The following CAPN13 variants were observed in gnomAD, a reference collection of about 807,000 sequenced individuals.
CAPN13 encodes calpain-13.
Under a neutral mutation model 98.4 loss-of-function variants are expected in CAPN13, and 90 were observed. The observed-to-expected ratio is 0.92, with a 90% CI of 0.77 to 1.09. The LOEUF (loss-of-function observed/expected upper bound fraction) is 1.09, where lower values mean the gene tolerates loss of function less well. CAPN13 is among the 50% of genes least tolerant of loss of function. The pLI is 0.00. For missense variants in CAPN13, 887 were observed against 841.3 expected (o/e 1.05, Z -0.67); for synonymous variants, 330 against 305.5 (o/e 1.08, Z -0.84).
intron 1 of CAPN13, among the ~76,000 whole-genome samples, chr2:30,789,777 T>A (rs1010316111): frequency 2.6e-5 from 4 of 152,250 alleles, no homozygotes; most frequent in African/African-American, 7.2e-5. Flanking sequence ...TGATGATCAT[T>A]GTTATTTTGA....
chr2:30,773,939 T>C (rs1413961802), intron 4 of CAPN13, among the ~76,000 whole-genome samples: 12 of 152,186 alleles, frequency 7.9e-5, no homozygotes, highest in Admixed American at 2.6e-4. Flanking sequence ...TGCTGTGGGC[T>C]TGGCTAGAAA....
At chr2:30,751,394 TTACTACTTGA>T in intron 10 of CAPN13, 143 bp from the exon 11 acceptor site, 1 of 824,918 alleles carries the variant, frequency 1.2e-6, no homozygotes, top group East Asian at 2.7e-5. Context: ...ATCCCCACAG[TTACTACTTGA>T]GAAACAAGTT....
chr2:30,746,098 C>T (rs900910006), intron 11 of CAPN13, among the ~76,000 whole-genome samples: 2 of 151,890 alleles, frequency 1.3e-5, no homozygotes, highest in African/African-American at 4.8e-5. Context: ...GGGGTTTCAC[C>T]GTGTTGGTCA....
At chr2:30,797,364 G>A (rs1183487641) in intron 1 of CAPN13, among the ~76,000 whole-genome samples, 1 of 152,136 alleles carries the variant, frequency 6.6e-6, no homozygotes, top group Non-Finnish European at 1.5e-5. Context: ...AGGCAGCATG[G>A]AACAGTGCTC....
chr2:30,770,180 A>G, intron 5 of CAPN13, 133 bp downstream of exon 5: 2 of 1,213,042 alleles, frequency 1.6e-6, no homozygotes, highest in Non-Finnish European at 2.3e-6. Flanking sequence ...GGACCTTTGC[A>G]CGTGGTGATT....
chr2:30,745,692 G>A, intron 12 of CAPN13, 31 bp downstream of exon 12: 1 of 1,596,008 alleles, frequency 6.3e-7, no homozygotes, highest in Non-Finnish European at 8.5e-7. Context: ...CAGCAGCAGA[G>A]GCGCAGGGCA....
chr2:30,772,011 G>A (rs1231990797), intron 4 of CAPN13, among the ~76,000 whole-genome samples: 2 of 152,176 alleles, frequency 1.3e-5, no homozygotes, highest in South Asian at 2.1e-4. Flanking sequence ...AGTAAGTCCC[G>A]GCTCGAATGA....
At position 30,758,075 on chromosome 2, in the gene CAPN13, C is replaced by T. The variant is rs1305470695; in HGVS notation, c.837G>A (p.Glu279=). The T allele has an allele frequency of 6.2e-7, 1 of 1,611,386 alleles. No homozygotes were observed. The highest frequency in any genetic ancestry group is 8.5e-7 in the Non-Finnish European group (1 of 1,178,902). ...CACTCCAGCGCCCTCTCCATTCGGC[C>T]TCGCCCCAGCCCCAGGGGTTCCACA... ...ISLWNPWGWG[E]AEWRGRWSDG... is the part of the protein sequence containing the mutation. The change falls in exon 8 of 23, where the codon GAG becomes GAA. Residue 279 remains glutamate, a synonymous_variant. Transcript: ENST00000295055.
At chr2:30,788,819 C>G (rs1053294602) in intron 1 of CAPN13, among the ~76,000 whole-genome samples, 1 of 152,146 alleles carries the variant, frequency 6.6e-6, no homozygotes, top group Admixed American at 6.5e-5. Flanking sequence ...CAGAATATCA[C>G]CAGTCATTGT....
intron 18 of CAPN13, among the ~76,000 whole-genome samples, chr2:30,735,679 G>A (rs910068830): frequency 2.6e-5 from 4 of 152,160 alleles, no homozygotes; most frequent in East Asian, 3.9e-4. Context: ...ACCCCTAGTC[G>A]GGGATCCGGG....
chr2:30,794,680 C>A (rs1178605231), intron 1 of CAPN13, among the ~76,000 whole-genome samples: 1 of 151,640 alleles, frequency 6.6e-6, no homozygotes, highest in African/African-American at 2.4e-5. Flanking sequence ...TGTGATGTAC[C>A]CATAAAGTAC....
At chr2:30,772,818 A>C (rs1417470800) in intron 4 of CAPN13, among the ~76,000 whole-genome samples, 1 of 110,162 alleles carries the variant, frequency 9.1e-6, no homozygotes, top group African/African-American at 3.9e-5. Flanking sequence ...GAGAGAGAGC[A>C]TTTCTTTTTT....
rs763717869 is a variant in CAPN13 at position 30,734,565 on chromosome 2, G to A, written c.1723-41C>T. The stretch of plus-strand genomic sequence containing the variant: ...AAGCAAGAAGTCTGTGTGAAGACTG[G>A]GAAGGTCTGGATACTCCTTTTCCAT... On this transcript the variant is annotated intron_variant, in intron 18 of 22. Coordinates refer to ENST00000295055, the MANE Select transcript of CAPN13 (RefSeq NM_144575.3). 5.3e-6 allele frequency: 8 copies of A among 1,501,522 alleles called. No homozygotes were observed. The African/African-American group carries it at 5.5e-5, about 10-fold the overall frequency. 93.0% of individuals were successfully genotyped at this position (1,501,522 alleles called of 1,614,324 possible). A position where few individuals can be genotyped will look rare whatever the true frequency, so the allele number is the denominator to read the frequency against.
chr2:30,744,621 C>T (rs879465070), intron 12 of CAPN13, among the ~76,000 whole-genome samples: 4 of 152,118 alleles, frequency 2.6e-5, no homozygotes, highest in African/African-American at 4.8e-5. Flanking sequence ...CCTGCTCACC[C>T]GTTATCTTGT....
intron 17 of CAPN13, 59 bp from the exon 18 acceptor site, chr2:30,736,630 CT>C: frequency 6.6e-7 from 1 of 1,522,268 alleles, no homozygotes; most frequent in African/African-American, 1.4e-5. Flanking sequence ...GGCTGCCATC[CT>C]GCCAACAAAG....
intron 2 of CAPN13, among the ~76,000 whole-genome samples, chr2:30,782,769 A>C (rs1406811270): frequency 2.0e-5 from 3 of 152,234 alleles, no homozygotes; most frequent in African/African-American, 7.2e-5. Context: ...TTTACTATAA[A>C]ATGGGTACAA....
At position 30,743,439 on chromosome 2, in the gene CAPN13, C is replaced by T; in HGVS notation, c.1389G>A (p.Arg463=). 6.2e-7 allele frequency: 1 copy of T among 1,614,006 alleles called. No homozygotes were observed. ...PGNYVVVAQT[R]RKSAEFLLRI... ...GGAGCAAGAACTCCGCTGATTTTCT[C>T]CGTGTCTGTGCAACCACAACATAGT... Residue 463 remains arginine, a synonymous_variant, in exon 13 of 23, where the codon CGG becomes CGA. Transcript: ENST00000295055.
chr2:30,798,526 G>A lies in CAPN13; in HGVS notation c.-33+8776C>T, dbSNP rs114608654. Among the ~76,000 whole-genome samples the A allele has an allele frequency of 5.5e-3, 842 of 152,334 alleles. 9 individuals carry two copies. The highest frequency in any genetic ancestry group is 0.019 in the African/African-American group (800 of 41,556). On this transcript the variant is annotated intron_variant, in intron 1 of 22. Coordinates refer to ENST00000295055, the MANE Select transcript of CAPN13 (RefSeq NM_144575.3). ...ACAGGTTGCTCTGGTGTCCCTGTCC[G>A]CAGGATGCTCCTAGCATATCCCAGC...
At chr2:30,747,875 A>G (rs920120962) in intron 11 of CAPN13, among the ~76,000 whole-genome samples, 2 of 152,254 alleles carry the variant, frequency 1.3e-5, no homozygotes, top group Admixed American at 1.3e-4. Context: ...AGGAAGCCTG[A>G]GGAGCTCTTG....
Sources: gnomAD v4.1 joint callset for allele counts (sites outside exome capture counted in the v4.1 genomes callset) on GRCh38, gnomAD v4.1.1 for gene constraint, MANE v1.5 for transcripts, NCBI Gene and HGNC (gene_info 2026-07-23, HGNC 2026-07-21) for gene names.